Variants in ARHGEF18 observed in about 807,000 individuals in gnomAD.
ARHGEF18 encodes Rho/Rac guanine nucleotide exchange factor 18, also known as rho guanine nucleotide exchange factor 18.
A neutral mutation model predicts 155.7 loss-of-function variants in ARHGEF18; 93 were observed. The ratio of observed to expected loss-of-function variants is 0.60; its 90% CI spans 0.50 to 0.71. The LOEUF (loss-of-function observed/expected upper bound fraction) is 0.71, where lower values mean the gene tolerates loss of function less well. Ranked by LOEUF, ARHGEF18 falls within the 30% of genes least tolerant of loss-of-function variation. ARHGEF18 has a pLI of 0.00. For missense variants in ARHGEF18, 1,593 were observed against 1,816.1 expected, an observed-to-expected ratio of 0.88 and a Z score of 2.23; for synonymous variants, 742 against 753.1, an observed-to-expected ratio of 0.99 and a Z score of 0.24.
chr19:7,427,961 AAG>A (rs1973754541), intron 10 of ARHGEF18, among the ~76,000 whole-genome samples: 1 of 152,094 alleles, frequency 6.6e-6, no homozygotes, highest in African/African-American at 2.4e-5. Context: ...AAAAAAGAAA[AAG>A]AGGGAGAGAA....
At chr19:7,400,779 G>A (rs767247881) in intron 10 of ARHGEF18, among the ~76,000 whole-genome samples, 21 of 152,110 alleles carry the variant, frequency 1.4e-4, no homozygotes, top group Non-Finnish European at 2.6e-4. Flanking sequence ...AGGCTGCAGA[G>A]AGCTGTGATT....
intron 10 of ARHGEF18, among the ~76,000 whole-genome samples, chr19:7,402,930 T>C (rs1336258323): frequency 1.3e-5 from 2 of 152,178 alleles, no homozygotes; most frequent in African/African-American, 2.4e-5. Context: ...TCACAATTTA[T>C]GTTATATTAT....
chr19:7,447,093 T>C lies in ARHGEF18; in HGVS notation c.1662T>C (p.Cys554=). 1 of 1,613,968 alleles carries C rather than the reference T, an allele frequency of 6.2e-7. No individual in the cohort carries two copies. Among genetic ancestry groups the C allele is most frequent in the South Asian group, 1.1e-5 (1 of 91,064 alleles). Residue 554 remains cysteine (C), a synonymous_variant, in exon 15 of 29, where the codon TGT becomes TGC. Coordinates refer to ENST00000668164, the MANE Select transcript of ARHGEF18 (RefSeq NM_001367823.1). ...ERMKEKYGVF[C]SGHNEAVSHY... is the part of the protein sequence containing the mutation. ...TGAAAGAAAAGTACGGTGTGTTTTGTAGTGGCCACAATGAAGCTGTTAGTC... is the reference window on the plus strand; with the variant it reads ...TGAAAGAAAAGTACGGTGTGTTTTGCAGTGGCCACAATGAAGCTGTTAGTC...
In ARHGEF18 at chr19:7,464,619, C is replaced by A; in HGVS notation, c.2833C>A (p.Pro945Thr). 6.2e-7 allele frequency: 1 copy of A among 1,613,932 alleles called. No individual in the cohort carries two copies. Among genetic ancestry groups the A allele is most frequent in the Non-Finnish European group, 8.5e-7 (1 of 1,179,980 alleles). The change falls in exon 23 of 29, where the codon CCC becomes ACC. Residue 945 changes from proline to threonine, a missense_variant. By Grantham distance (38) the Pro-to-Thr change is conservative. Transcript: ENST00000668164. The stretch of plus-strand genomic sequence containing the variant: ...CCCCAGGCCCCGAGACTGGCGAGGC[C>A]CCCCAAACAGCCCGGACTTGAAGCT... ...TDPRPRDWRG[P>T]PNSPDLKLSD...
intron 15 of ARHGEF18, 90 bp downstream of exon 15, chr19:7,447,258 A>C: frequency 7.8e-7 from 1 of 1,288,090 alleles, no homozygotes; most frequent in South Asian, 1.4e-5. Flanking sequence ...TGGGAGTCTG[A>C]GGCGGGCGGA....
At chr19:7,417,792 G>A (rs1213176399) in intron 10 of ARHGEF18, among the ~76,000 whole-genome samples, 1 of 152,170 alleles carries the variant, frequency 6.6e-6, no homozygotes, top group Non-Finnish European at 1.5e-5. Context: ...GGAGGCCGGG[G>A]TGGGTGGAGC....
chr19:7,368,927 G>A (rs1414928973), intron 2 of ARHGEF18, among the ~76,000 whole-genome samples: 3 of 149,600 alleles, frequency 2.0e-5, no homozygotes, highest in South Asian at 2.1e-4. Flanking sequence ...GGAAGAGGAC[G>A]CAGAGGAGGA....
intron 7 of ARHGEF18, among the ~76,000 whole-genome samples, chr19:7,380,564 G>T (rs966723752): frequency 1.4e-4 from 21 of 151,822 alleles, no homozygotes; most frequent in African/African-American, 5.1e-4. Flanking sequence ...CATGCCTATA[G>T]TCCCAGCTAC....
At chr19:7,358,280 T>C (rs1336072649) in intron 1 of ARHGEF18, among the ~76,000 whole-genome samples, 8 of 149,178 alleles carry the variant, frequency 5.4e-5, no homozygotes, top group South Asian at 4.2e-4. Flanking sequence ...CTTCCATCCA[T>C]CCATCCATCC....
intron 1 of ARHGEF18, among the ~76,000 whole-genome samples, chr19:7,357,535 C>T (rs1969360184): frequency 6.6e-6 from 1 of 152,108 alleles, no homozygotes; most frequent in African/African-American, 2.4e-5. Context: ...TGGAGAGAAG[C>T]ATGGGGGTGG....
chr19:7,478,189 A>T, the ARHGEF18 span: 1 of 1,011,296 alleles, frequency 9.9e-7, no homozygotes, highest in South Asian at 1.5e-5. Context: ...AGAGGCTGTG[A>T]TGACTCCCCC....
intron 10 of ARHGEF18, among the ~76,000 whole-genome samples, chr19:7,411,435 T>A (rs1476012483): frequency 6.6e-6 from 1 of 152,050 alleles, no homozygotes; most frequent in Non-Finnish European, 1.5e-5. Context: ...GCCTCCCAAG[T>A]AGATGGGATT....
At chr19:7,387,398 CGTCTCG>C (rs1568287752) in intron 10 of ARHGEF18, among the ~76,000 whole-genome samples, 1 of 151,990 alleles carries the variant, frequency 6.6e-6, no homozygotes, top group Admixed American at 6.6e-5. Context: ...GTGATCTGCC[CGTCTCG>C]GTCTCCCAAA....
intron 10 of ARHGEF18, among the ~76,000 whole-genome samples, chr19:7,417,076 A>AT (rs1186444121): frequency 1.3e-5 from 2 of 151,854 alleles, no homozygotes; most frequent in Non-Finnish European, 2.9e-5. Context: ...CACCTGCGTA[A>AT]TTTTTGTATT....
chr19:7,441,572 C>A, intron 11 of ARHGEF18, 81 bp from the exon 12 acceptor site: 1 of 1,029,680 alleles, frequency 9.7e-7, no homozygotes, highest in Non-Finnish European at 1.5e-6. Flanking sequence ...CGGATGGAGT[C>A]ACCGATGTGC....
At chr19:7,411,715 TCTC>T (rs1972697006) in intron 10 of ARHGEF18, among the ~76,000 whole-genome samples, 1 of 151,990 alleles carries the variant, frequency 6.6e-6, no homozygotes, top group Non-Finnish European at 1.5e-5. Context: ...TCTAGAACTT[TCTC>T]CTCTTCCCAA....
At chr19:7,451,302 T>C (rs767328080) in intron 16 of ARHGEF18, 36 bp downstream of exon 16, 1 of 1,590,414 alleles carries the variant, frequency 6.3e-7, no homozygotes, top group African/African-American at 1.3e-5. Context: ...CCGCCCGTGC[T>C]GCTGCAGCAC....
At position 7,360,154 on chromosome 19, in the gene ARHGEF18, A is replaced by AAAC. The variant is rs144434108; in HGVS notation, c.-110-2603_-110-2601dup. 1.4e-3 allele frequency among the ~76,000 whole-genome samples: 214 copies of AAAC among 151,826 alleles called. 1 individual carries two copies. The highest frequency in any genetic ancestry group is 4.2e-3 in the African/African-American group (175 of 41,336). On this transcript the variant is annotated intron_variant, in intron 1 of 28. Coordinates refer to ENST00000668164, the MANE Select transcript of ARHGEF18 (RefSeq NM_001367823.1). Reference sequence around the variant, plus strand: ...GACAGAGCAAGACTCTCTTGAAACAAAACAACAACAACAACAACAACAACA... The same window carrying AAAC: ...GACAGAGCAAGACTCTCTTGAAACAAAACAACAACAACAACAACAACAACAACA...
At chr19:7,376,012 G>A in intron 4 of ARHGEF18, 142 bp downstream of exon 4, 29 of 983,458 alleles carry the variant, frequency 2.9e-5, no homozygotes, top group Non-Finnish European at 3.7e-5. Context: ...CTGTGGTGTG[G>A]CCCGTGCCTC....
Sources: gnomAD v4.1 joint callset for allele counts (sites outside exome capture counted in the v4.1 genomes callset) on GRCh38, gnomAD v4.1.1 for gene constraint, MANE v1.5 for transcripts, NCBI Gene and HGNC (gene_info 2026-07-23, HGNC 2026-07-21) for gene names.